The following ROBO1 variants were observed in gnomAD, a reference collection of about 807,000 sequenced individuals.
ROBO1 encodes roundabout guidance receptor 1.
ROBO1 carries 149 observed loss-of-function variants against 195.9 expected under a neutral mutation model. The ratio of observed to expected loss-of-function variants is 0.76; its 90% CI spans 0.67 to 0.87. The LOEUF is 0.87. ROBO1 is among the 40% of genes least tolerant of loss of function. The pLI, the probability that ROBO1 is intolerant of heterozygous loss-of-function variation, is 0.00. For missense variants in ROBO1, 1,933 were observed against 2,068.3 expected (o/e 0.93, Z 1.27); for synonymous variants, 816 against 733.2 (o/e 1.11, Z -1.82).
At chr3:79,064,531 A>C (rs2078974315) in intron 3 of ROBO1, among the ~76,000 whole-genome samples, 1 of 151,890 alleles carries the variant, frequency 6.6e-6, no homozygotes, top group African/African-American at 2.4e-5. Flanking sequence ...TTTTAATTAA[A>C]ACATTTTTTA....
chr3:78,671,151 GA>G (rs1344783891), intron 10 of ROBO1, among the ~76,000 whole-genome samples: 1 of 151,984 alleles, frequency 6.6e-6, no homozygotes, highest in Admixed American at 6.6e-5. Flanking sequence ...ATGATTACAT[GA>G]AAAAAATCTA....
intron 2 of ROBO1, 28 bp downstream of exon 2, chr3:79,589,796 A>T (rs775034019): frequency 1.3e-6 from 2 of 1,545,538 alleles, no homozygotes; most frequent in Middle Eastern, 1.7e-4. Context: ...CTGGTTAAGT[A>T]TTGATGAAAC....
At chr3:78,750,195 C>T (rs960349686) in intron 4 of ROBO1, among the ~76,000 whole-genome samples, 1 of 152,052 alleles carries the variant, frequency 6.6e-6, no homozygotes, top group African/African-American at 2.4e-5. Flanking sequence ...GTGGCTCACG[C>T]CTGTAATCCC....
chr3:79,361,141 G>A (rs914022833), intron 2 of ROBO1, among the ~76,000 whole-genome samples: 7 of 152,000 alleles, frequency 4.6e-5, no homozygotes, highest in Admixed American at 3.9e-4. Flanking sequence ...CTAGTCCACA[G>A]AAAGATAAAT....
At chr3:79,523,472 CTT>C (rs11357932) in intron 2 of ROBO1, among the ~76,000 whole-genome samples, 50 of 100,402 alleles carry the variant, frequency 5.0e-4, no homozygotes, top group South Asian at 1.5e-3. Context: ...TTTTTTTTTT[CTT>C]TTTTTTTTTT....
intron 2 of ROBO1, among the ~76,000 whole-genome samples, chr3:79,445,195 A>AT (rs11285714): frequency 1.4e-4 from 21 of 151,330 alleles, no homozygotes; most frequent in South Asian, 8.4e-4. Context: ...CCCATTCACT[A>AT]TTTTTTTTTG....
At chr3:79,066,907 T>A (rs552675046) in intron 3 of ROBO1, among the ~76,000 whole-genome samples, 1 of 152,004 alleles carries the variant, frequency 6.6e-6, no homozygotes, top group African/African-American at 2.4e-5. Flanking sequence ...TGAATGAAGG[T>A]AGTGAGTCAA....
chr3:79,383,837 T>G (rs779335296), intron 2 of ROBO1, among the ~76,000 whole-genome samples: 16 of 152,030 alleles, frequency 1.1e-4, no homozygotes, highest in Non-Finnish European at 2.2e-4. Flanking sequence ...CCTTTCCCTT[T>G]AACTGTGAAC....
chr3:78,985,643 T>A (rs571609748), intron 3 of ROBO1, among the ~76,000 whole-genome samples: 6 of 152,292 alleles, frequency 3.9e-5, no homozygotes, highest in African/African-American at 1.4e-4. Context: ...TTTAGCGGCA[T>A]CCTTGGCCTC....
At chr3:79,412,426 A>G (rs1185121918) in intron 2 of ROBO1, among the ~76,000 whole-genome samples, 1 of 152,188 alleles carries the variant, frequency 6.6e-6, no homozygotes, top group African/African-American at 2.4e-5. Flanking sequence ...CCATCTATCC[A>G]TTCTGTAGCA....
chr3:78,919,137 G>A (rs2038797175), intron 4 of ROBO1, among the ~76,000 whole-genome samples: 1 of 152,112 alleles, frequency 6.6e-6, no homozygotes, highest in Non-Finnish European at 1.5e-5. Flanking sequence ...TTTCTTACCG[G>A]TTATTACATC....
intron 4 of ROBO1, among the ~76,000 whole-genome samples, chr3:78,765,616 C>T (rs1333220365): frequency 6.6e-6 from 1 of 151,982 alleles, no homozygotes; most frequent in African/African-American, 2.4e-5. Flanking sequence ...TTATGGTGAG[C>T]ACTAATATCT....
At chr3:79,042,011 A>G (rs2078495830) in intron 3 of ROBO1, among the ~76,000 whole-genome samples, 1 of 152,218 alleles carries the variant, frequency 6.6e-6, no homozygotes, top group Non-Finnish European at 1.5e-5. Context: ...GTAACACCCA[A>G]GGGAGGCAAC....
chr3:79,023,573 T>A (rs2078142484), intron 3 of ROBO1, among the ~76,000 whole-genome samples: 1 of 151,868 alleles, frequency 6.6e-6, no homozygotes, highest in Non-Finnish European at 1.5e-5. Context: ...TTAAAACAGG[T>A]AATTATGTGT....
chr3:79,098,093 CA>C (rs2079604723), intron 3 of ROBO1, among the ~76,000 whole-genome samples: 1 of 151,570 alleles, frequency 6.6e-6, no homozygotes, highest in African/African-American at 2.4e-5. Context: ...GACTGAGAAC[CA>C]AAAAAGAATG....
intron 2 of ROBO1, among the ~76,000 whole-genome samples, chr3:79,410,359 GTAATGAAT>G (rs2106849522): frequency 6.6e-6 from 1 of 152,216 alleles, no homozygotes; most frequent in South Asian, 2.1e-4. Context: ...ACTTTGGAAG[GTAATGAAT>G]TCCTTCTTCA....
chr3:78,805,742 T>C (rs1319373196), intron 4 of ROBO1, among the ~76,000 whole-genome samples: 1 of 152,112 alleles, frequency 6.6e-6, no homozygotes, highest in African/African-American at 2.4e-5. Flanking sequence ...GCTCTCTGTA[T>C]GTTAAAATAT....
At chr3:79,014,712 T>G (rs1322353798) in intron 3 of ROBO1, among the ~76,000 whole-genome samples, 1 of 152,218 alleles carries the variant, frequency 6.6e-6, no homozygotes, top group Non-Finnish European at 1.5e-5. Flanking sequence ...GGCCTAATTT[T>G]AAATTGAATG....
At chr3:79,720,902 C>T (rs1459916082) in intron 1 of ROBO1, among the ~76,000 whole-genome samples, 1 of 151,916 alleles carries the variant, frequency 6.6e-6, no homozygotes, top group Non-Finnish European at 1.5e-5. Flanking sequence ...ACGCCATTCT[C>T]CTGCCTCAGC....
Sources: allele counts gnomAD v4.1 joint callset (sites outside exome capture counted in the v4.1 genomes callset), GRCh38; gene constraint gnomAD v4.1.1; transcripts MANE v1.5; gene names NCBI Gene and HGNC (gene_info 2026-07-23, HGNC 2026-07-21).